EML4: variants seen among roughly 807,000 people sequenced by gnomAD.
EML4 encodes the protein EMAP like 4.
EML4 carries 72 observed loss-of-function variants against 129.0 expected under a neutral mutation model. The observed-to-expected ratio is 0.56, with a 90% CI of 0.46 to 0.68. EML4 has a LOEUF of 0.68. EML4 is among the 30% of genes least tolerant of loss of function. The pLI is 0.00. For synonymous variants in EML4, 532 were observed against 405.0 expected (o/e 1.31, Z -3.77); for missense variants, 1,363 against 1,190.6 (o/e 1.14, Z -2.13).
chr2:42,276,364 T>A (rs919830631), intron 6 of EML4, among the ~76,000 whole-genome samples: 11 of 152,168 alleles, frequency 7.2e-5, no homozygotes, highest in Non-Finnish European at 1.5e-5. Context: ...CTCGCTGAGA[T>A]GGGGTATGGG....
intron 1 of EML4, among the ~76,000 whole-genome samples, chr2:42,233,900 A>G (rs1224475989): frequency 6.6e-6 from 1 of 152,270 alleles, no homozygotes; most frequent in Non-Finnish European, 1.5e-5. Flanking sequence ...CTACTAGGAA[A>G]AATACTTACT....
chr2:42,293,253 C>G (rs754859973), intron 11 of EML4, among the ~76,000 whole-genome samples: 1 of 151,918 alleles, frequency 6.6e-6, no homozygotes, highest in Non-Finnish European at 1.5e-5. Flanking sequence ...AAAACTACAG[C>G]GCGCACCGCC....
At chr2:42,190,080 G>C (rs1367847635) in intron 1 of EML4, among the ~76,000 whole-genome samples, 4 of 151,834 alleles carry the variant, frequency 2.6e-5, no homozygotes, top group South Asian at 2.1e-4. Context: ...GCAGGGAAGA[G>C]GCAAGATTTG....
intron 1 of EML4, among the ~76,000 whole-genome samples, chr2:42,172,689 A>G (rs1234819023): frequency 1.3e-5 from 2 of 152,012 alleles, no homozygotes; most frequent in East Asian, 1.9e-4. Context: ...AAAGTACTCA[A>G]TTACCTTGAT....
intron 3 of EML4, 103 bp downstream of exon 3, chr2:42,256,733 A>G (rs918862693): frequency 2.2e-6 from 3 of 1,390,146 alleles, no homozygotes; most frequent in Non-Finnish European, 3.0e-6. Flanking sequence ...TTTGAATTCA[A>G]GTGAGCATGT....
chr2:42,192,975 C>T (rs1248878223), intron 1 of EML4, among the ~76,000 whole-genome samples: 2 of 152,088 alleles, frequency 1.3e-5, no homozygotes, highest in Admixed American at 6.5e-5. Flanking sequence ...TAGTGTATGT[C>T]AGGGAGGTGG....
At chr2:42,320,072 T>G (rs774950949) in intron 19 of EML4, 6 of 152,202 alleles carry the variant, frequency 3.9e-5, no homozygotes, top group Non-Finnish European at 7.4e-5. Context: ...AAATGTCAGT[T>G]GAAAAGATGG....
At chr2:42,317,726 G>A (rs1323339456) in intron 19 of EML4, among the ~76,000 whole-genome samples, 3 of 152,204 alleles carry the variant, frequency 2.0e-5, no homozygotes, top group African/African-American at 7.2e-5. Flanking sequence ...TTTGATGGGG[G>A]TGTAATATTT....
Position 42,330,130 on chromosome 2 carries a change from C to G in EML4, c.2869C>G (p.Pro957Ala). Residue 957 changes from proline (P) to alanine (A), a missense_variant, in exon 23 of 23, where the codon CCA (proline) becomes GCA (alanine). Coordinates refer to ENST00000318522, the MANE Select transcript of EML4 (RefSeq NM_019063.5). ...CCTTGGTGAGCCTCTTTATGAAGAG[C>G]CATGCAACGAGATAAGCAAGGAGCA... ...GDLGEPLYEEPCNEISKEQAK... is the reference protein window; with the variant it reads ...GDLGEPLYEEACNEISKEQAK... The G allele has an allele frequency of 6.2e-7, 1 of 1,611,902 alleles. No homozygotes were observed. The highest frequency in any genetic ancestry group is 8.5e-7 in the Non-Finnish European group (1 of 1,179,648).
chr2:42,190,137 A>G (rs1299030984), intron 1 of EML4, among the ~76,000 whole-genome samples: 2 of 152,228 alleles, frequency 1.3e-5, no homozygotes, highest in Non-Finnish European at 2.9e-5. Flanking sequence ...TTTAAGAATT[A>G]AAGATGTTCT....
chr2:42,200,879 A>G (rs553902048), intron 1 of EML4, among the ~76,000 whole-genome samples: 29 of 152,314 alleles, frequency 1.9e-4, no homozygotes, highest in Non-Finnish European at 3.7e-4. Context: ...GAGGCAGGAA[A>G]TGAGGGCCCA....
At chr2:42,257,079 C>A (rs1166023466) in intron 3 of EML4, among the ~76,000 whole-genome samples, 1 of 151,898 alleles carries the variant, frequency 6.6e-6, no homozygotes, top group East Asian at 1.9e-4. Context: ...AAAATTAAGG[C>A]TTATTTCAAA....
chr2:42,275,684 C>G (rs1288243966), intron 6 of EML4, among the ~76,000 whole-genome samples: 1 of 152,164 alleles, frequency 6.6e-6, no homozygotes, highest in Non-Finnish European at 1.5e-5. Flanking sequence ...AGCTGAGATT[C>G]AAACCAAGGT....
chr2:42,278,770 C>T (rs997623079), intron 6 of EML4, among the ~76,000 whole-genome samples: 28 of 151,496 alleles, frequency 1.8e-4, no homozygotes, highest in African/African-American at 6.8e-4. Context: ...CCCATCTCTA[C>T]TAAAAATACA....
At chr2:42,315,913 C>G (rs1304464259) in intron 17 of EML4, 49 bp from the exon 18 acceptor site, 2 of 1,345,030 alleles carry the variant, frequency 1.5e-6, no homozygotes, top group Non-Finnish European at 2.1e-6. Flanking sequence ...CTTTTTTTTT[C>G]TATAAATGCT....
intron 17 of EML4, among the ~76,000 whole-genome samples, chr2:42,308,189 G>C (rs1243044968): frequency 2.0e-5 from 3 of 152,210 alleles, no homozygotes; most frequent in South Asian, 2.1e-4. Context: ...ATAACCTTAA[G>C]TGGACATAGT....
intron 21 of EML4, 102 bp downstream of exon 21, chr2:42,326,354 T>C (rs1669811858): frequency 2.6e-6 from 2 of 755,204 alleles, no homozygotes; most frequent in Non-Finnish European, 2.1e-6. Context: ...GTGTATTCTT[T>C]AGCTTTATCA....
chr2:42,230,302 A>G (rs1042086234), intron 1 of EML4, among the ~76,000 whole-genome samples: 1 of 152,238 alleles, frequency 6.6e-6, no homozygotes, highest in Non-Finnish European at 1.5e-5. Flanking sequence ...GGAATTTTAA[A>G]TGTAACTTTA....
chr2:42,217,943 T>A (rs1673303121), intron 1 of EML4, among the ~76,000 whole-genome samples: 1 of 152,152 alleles, frequency 6.6e-6, no homozygotes, highest in African/African-American at 2.4e-5. Flanking sequence ...GATCCTGTGA[T>A]TAATTTATGG....
Sources: gnomAD v4.1 joint callset for allele counts (sites outside exome capture counted in the v4.1 genomes callset) on GRCh38, gnomAD v4.1.1 for gene constraint, MANE v1.5 for transcripts, NCBI Gene and HGNC (gene_info 2026-07-23, HGNC 2026-07-21) for gene names.